The following FGF14 variants were observed in gnomAD, a reference collection of about 807,000 sequenced individuals.
The protein encoded by FGF14 is fibroblast growth factor 14.
FGF14 carries 5 observed loss-of-function variants against 25.5 expected under a neutral mutation model. That is an observed-to-expected ratio of 0.20 (90% CI 0.10 to 0.41). The LOEUF is 0.41. FGF14 is among the 10% of genes least tolerant of loss of function. The pLI, the probability that FGF14 is intolerant of heterozygous loss-of-function variation, is 1.00. For missense variants in FGF14, 222 were observed against 320.1 expected (o/e 0.69, Z 2.34); for synonymous variants, 138 against 118.3 (o/e 1.17, Z -1.08).
chr13:102,378,722 G>C (rs1404855120), intron 1 of FGF14, among the ~76,000 whole-genome samples: 1 of 149,938 alleles, frequency 6.7e-6, no homozygotes, highest in Non-Finnish European at 1.5e-5. Flanking sequence ...AAAACAAAAA[G>C]AATCCTGAGG....
chr13:101,826,607 T>A (rs2140261679), intron 3 of FGF14, among the ~76,000 whole-genome samples: 1 of 152,176 alleles, frequency 6.6e-6, no homozygotes, highest in South Asian at 2.1e-4. Flanking sequence ...TTAAAATAAA[T>A]AGAAATGTCT....
At chr13:101,964,572 A>C (rs747322945) in intron 1 of FGF14, among the ~76,000 whole-genome samples, 2 of 152,184 alleles carry the variant, frequency 1.3e-5, no homozygotes, top group African/African-American at 2.4e-5. Context: ...TGATGATATA[A>C]GCCATCATCC....
In FGF14 at chr13:102,093,435, CTAT is replaced by C. The variant is rs2044256771; in HGVS notation, c.209-218142_209-218140del. On this transcript the variant is annotated intron_variant, in intron 1 of 4. Transcript: ENST00000376131. ...ATTAACTGTAGCACATACTATACTA[CTAT>C]AATTTCATAGCCACCTCCTGTTGCT... Among the ~76,000 whole-genome samples the C allele has an allele frequency of 2.0e-5, 3 of 152,128 alleles. No individual in the cohort carries two copies. The South Asian group carries it at 6.2e-4, about 31-fold the overall frequency.
chr13:102,026,004 A>G (rs2040906751), intron 1 of FGF14, among the ~76,000 whole-genome samples: 1 of 152,056 alleles, frequency 6.6e-6, no homozygotes, highest in Non-Finnish European at 1.5e-5. Flanking sequence ...AAGTGGCAAG[A>G]GCAGACATTT....
At chr13:102,158,629 C>A (rs2047473473) in intron 1 of FGF14, among the ~76,000 whole-genome samples, 1 of 151,696 alleles carries the variant, frequency 6.6e-6, no homozygotes, top group African/African-American at 2.4e-5. Context: ...ACGTAACAGA[C>A]CTGCACATTG....
chr13:102,334,615 C>T (rs2056736158), intron 1 of FGF14, among the ~76,000 whole-genome samples: 1 of 152,184 alleles, frequency 6.6e-6, no homozygotes, highest in Admixed American at 6.5e-5. Flanking sequence ...ATGCCAATCA[C>T]TACAGATTAG....
chr13:101,929,456 G>A (rs991060697), intron 1 of FGF14, among the ~76,000 whole-genome samples: 1 of 152,208 alleles, frequency 6.6e-6, no homozygotes, highest in Admixed American at 6.5e-5. Flanking sequence ...AAGCCTGTCA[G>A]TGACGAAATT....
chr13:102,346,167 A>C (rs1419155097), intron 1 of FGF14, among the ~76,000 whole-genome samples: 1 of 152,178 alleles, frequency 6.6e-6, no homozygotes, highest in Non-Finnish European at 1.5e-5. Context: ...ACAAGCACAA[A>C]AATAAAAAAT....
intron 1 of FGF14, among the ~76,000 whole-genome samples, chr13:102,042,653 A>G (rs2041798635): frequency 6.6e-6 from 1 of 152,030 alleles, no homozygotes; most frequent in Admixed American, 6.6e-5. Context: ...GGTAAAAAAA[A>G]GACAAACACC....
intron 1 of FGF14, among the ~76,000 whole-genome samples, chr13:102,318,512 G>A (rs2056121848): frequency 6.6e-6 from 1 of 152,156 alleles, no homozygotes; most frequent in Admixed American, 6.5e-5. Flanking sequence ...TCTGGTCCAC[G>A]CCTTTTCCAA....
intron 1 of FGF14, among the ~76,000 whole-genome samples, chr13:102,306,440 A>T (rs2055384233): frequency 6.6e-6 from 1 of 152,168 alleles, no homozygotes; most frequent in Non-Finnish European, 1.5e-5. Flanking sequence ...GAGAAGAATC[A>T]GGCCTTCTGG....
At chr13:101,780,520 C>T (rs546855276) in intron 3 of FGF14, among the ~76,000 whole-genome samples, 2 of 152,294 alleles carry the variant, frequency 1.3e-5, no homozygotes, top group South Asian at 4.1e-4. Flanking sequence ...TATTCTTCAA[C>T]ATGAAGTCCA....
chr13:102,069,044 T>C (rs1320599498), intron 1 of FGF14, among the ~76,000 whole-genome samples: 2 of 152,084 alleles, frequency 1.3e-5, no homozygotes, highest in Non-Finnish European at 1.5e-5. Flanking sequence ...ATCGACACTC[T>C]GTATCTAGCT....
intron 1 of FGF14, among the ~76,000 whole-genome samples, chr13:102,018,587 G>A (rs565561150): frequency 6.6e-6 from 1 of 152,054 alleles, no homozygotes; most frequent in Admixed American, 6.5e-5. Context: ...CTAGCCCTGA[G>A]GCCTCTTCTT....
chr13:102,045,851 C>G (rs2041958456), intron 1 of FGF14: 2 of 152,508 alleles, frequency 1.3e-5, no homozygotes, highest in African/African-American at 4.8e-5. Flanking sequence ...GGAGGCACTA[C>G]AGCATTAAGC....
At chr13:102,161,626 A>AAGAAGAAGAAGG (rs2047703512) in intron 1 of FGF14, among the ~76,000 whole-genome samples, 1 of 10,848 alleles carries the variant, frequency 9.2e-5, no homozygotes, top group Non-Finnish European at 1.4e-4. Context: ...GAAGAAGAAG[A>AAGAAGAAGAAGG]AGAAGAAGAA....
chr13:102,134,976 G>C (rs546905277), intron 1 of FGF14, among the ~76,000 whole-genome samples: 5 of 151,528 alleles, frequency 3.3e-5, no homozygotes, highest in Non-Finnish European at 7.4e-5. Context: ...TTGAGTCTAG[G>C]AGTTCAAGAC....
chr13:102,233,517 T>C (rs572900283), intron 1 of FGF14, among the ~76,000 whole-genome samples: 1 of 152,274 alleles, frequency 6.6e-6, no homozygotes, highest in South Asian at 2.1e-4. Context: ...TTACCTGTTT[T>C]GTTCACAGCT....
At chr13:101,919,696 G>A (rs559471259), upstream of FGF14, among the ~76,000 whole-genome samples, 15 of 152,106 alleles carry the variant, frequency 9.9e-5, no homozygotes, top group African/African-American at 3.6e-4. Context: ...GAAAAGCGCT[G>A]GCTGTGAGGG....
Sources: allele counts gnomAD v4.1 joint callset (sites outside exome capture counted in the v4.1 genomes callset), GRCh38; gene constraint gnomAD v4.1.1; transcripts MANE v1.5; gene names NCBI Gene and HGNC (gene_info 2026-07-23, HGNC 2026-07-21).